EPB41L1: variants seen among roughly 807,000 people sequenced by gnomAD.
EPB41L1 encodes the protein erythrocyte membrane protein band 4.1 like 1.
In EPB41L1, 29 loss-of-function variants were observed where a neutral mutation model predicts 97.8. The observed-to-expected ratio is 0.30, with a 90% CI of 0.22 to 0.40. The LOEUF (loss-of-function observed/expected upper bound fraction) is 0.40, where lower values mean the gene tolerates loss of function less well. EPB41L1 is among the 10% of genes least tolerant of loss of function. EPB41L1 has a pLI of 1.00. For synonymous variants in EPB41L1, 383 were observed against 459.2 expected (o/e 0.83, Z 2.12); for missense variants, 812 against 1,162.3 (o/e 0.70, Z 4.38).
At chr20:36,155,027 G>A (rs995036333) in intron 1 of EPB41L1, 131 bp downstream of exon 1, 2 of 860,628 alleles carry the variant, frequency 2.3e-6, no homozygotes, top group Admixed American at 5.5e-5. Context: ...CCCCTGGCCA[G>A]TGTGGGGGAG....
rs575435573 is a variant in EPB41L1 at position 36,206,515 on chromosome 20, C to T, written c.1669-2973C>T. 13 of 1,289,810 alleles carry T rather than the reference C, an allele frequency of 1.0e-5. No homozygotes were observed. In the East Asian group the frequency reaches 2.2e-4, roughly 22 times the overall value. The allele number at this position is 1,289,810 out of a possible 1,614,324, so 79.9% of individuals were successfully genotyped here. A position where few individuals can be genotyped will look rare whatever the true frequency, so the allele number is the denominator to read the frequency against. On this transcript the variant is annotated intron_variant, in intron 14 of 21. Coordinates refer to ENST00000338074, the MANE Select transcript of EPB41L1 (RefSeq NM_012156.2). The surrounding 1 kb of genome is among the most constrained non-coding windows in gnomAD (Gnocchi z 5.5). ...AAAAGACTCAGAAGACCAAGTCCTC[C>T]CTCCACCCCTGGAGGAGAGAAAAGG...
chr20:36,104,573 C>CA (rs2058129822), intron 1 of EPB41L1, among the ~76,000 whole-genome samples: 1 of 152,018 alleles, frequency 6.6e-6, no homozygotes, highest in South Asian at 2.1e-4. Context: ...GGTGGGGGGA[C>CA]ATTGTCCCTC....
chr20:36,203,145 C>T (rs1283718086), intron 14 of EPB41L1, among the ~76,000 whole-genome samples: 1 of 152,246 alleles, frequency 6.6e-6, no homozygotes, highest in Non-Finnish European at 1.5e-5. Context: ...TTCACGCCAA[C>T]CCCTCGGGCC....
intron 1 of EPB41L1, among the ~76,000 whole-genome samples, chr20:36,111,293 A>G (rs1439497487): frequency 1.3e-5 from 2 of 152,204 alleles, no homozygotes; most frequent in Non-Finnish European, 2.9e-5. Flanking sequence ...CACATTTTAC[A>G]TGAAGTAGGA....
chr20:36,161,971 C>T (rs1282773387), intron 1 of EPB41L1, among the ~76,000 whole-genome samples: 3 of 152,180 alleles, frequency 2.0e-5, no homozygotes, highest in African/African-American at 7.2e-5. Context: ...GCTCTGTTGC[C>T]CAGACTGCTC....
intron 14 of EPB41L1, chr20:36,208,186 C>G (rs1035542475): frequency 3.2e-6 from 1 of 315,592 alleles, no homozygotes; most frequent in Non-Finnish European, 6.3e-6. Context: ...CTGGTTCTCC[C>G]GCCTTGGGAA....
rs1250037032 is a variant in EPB41L1 at position 36,207,865 on chromosome 20, G to C, written c.1669-1623G>C. ...CATGCTCTGTAGTTTTTAGAAGCATGTTTCAGTGGCCCCTCGTCATTTCTG... is the reference window on the plus strand; with the variant it reads ...CATGCTCTGTAGTTTTTAGAAGCATCTTTCAGTGGCCCCTCGTCATTTCTG... On this transcript the variant is annotated intron_variant, in intron 14 of 21. Transcript: ENST00000338074. The surrounding 1 kb of genome is among the most constrained non-coding windows in gnomAD (Gnocchi z 4.9). 1 of 1,192,660 alleles carries C rather than the reference G, an allele frequency of 8.4e-7. No homozygotes were observed. The highest frequency in any genetic ancestry group is 1.1e-6 in the Non-Finnish European group (1 of 936,126). 73.9% of individuals were successfully genotyped at this position (1,192,660 alleles called of 1,614,324 possible).
intron 13 of EPB41L1, chr20:36,197,579 C>T: frequency 1.0e-6 from 1 of 968,646 alleles, no homozygotes; most frequent in Non-Finnish European, 1.2e-6. Context: ...GTTGGCTGTT[C>T]AGAGGCTGTA....
Position 36,178,033 on chromosome 20 carries a change from T to C in EPB41L1, c.424T>C (p.Phe142Leu). ...LLEKDYFGLT[F>L]CDADSQKNWL... The stretch of plus-strand genomic sequence containing the variant: ...AGAGAAGGACTACTTCGGCCTGACC[T>C]TCTGTGATGCTGACAGCCAGAAGGT... The change falls in exon 4 of 22, where the codon TTC (phenylalanine) becomes CTC (leucine). Residue 142 changes from phenylalanine to leucine, a missense_variant. Transcript: ENST00000338074. The C allele has an allele frequency of 6.2e-7, 1 of 1,614,108 alleles. No individual in the cohort carries two copies.
chr20:36,126,363 ATTTTTTT>A (rs1208994726), intron 2 of EPB41L1, among the ~76,000 whole-genome samples: 4 of 135,258 alleles, frequency 3.0e-5, no homozygotes, highest in African/African-American at 1.1e-4. Context: ...AGTTAGTGGA[ATTTTTTT>A]TTTTTTTTTT....
At chr20:36,106,237 G>A (rs888185651) in intron 1 of EPB41L1, among the ~76,000 whole-genome samples, 13 of 152,366 alleles carry the variant, frequency 8.5e-5, no homozygotes, top group South Asian at 2.1e-4. Flanking sequence ...ATGCCATGCC[G>A]TTCCGCTCTC....
In EPB41L1 at chr20:36,175,863, C is replaced by T. The variant is rs1048544314; in HGVS notation, c.342+148C>T. 3.7e-6 allele frequency: 3 copies of T among 818,650 alleles called. No individual in the cohort carries two copies. In the African/African-American group the frequency reaches 5.1e-5, roughly 14 times the overall value. 50.7% of individuals were successfully genotyped at this position (818,650 alleles called of 1,614,324 possible). A position where few individuals can be genotyped will look rare whatever the true frequency, so the allele number is the denominator to read the frequency against. Reference sequence around the variant, plus strand: ...AGAGAGATGACCTGGCTCGGAGCTCCTTTGTACAGATGGTGGCACCAAAGC... The same window carrying T: ...AGAGAGATGACCTGGCTCGGAGCTCTTTTGTACAGATGGTGGCACCAAAGC... On this transcript the variant is annotated intron_variant, in intron 3 of 21. Transcript: ENST00000338074.
intron 2 of EPB41L1, among the ~76,000 whole-genome samples, chr20:36,145,207 A>G (rs6121162): frequency 0.12 from 17,867 of 151,788 alleles, 1,855 homozygotes; most frequent in African/African-American, 0.28. Flanking sequence ...GGACAAGATG[A>G]TGAAACCCCC....
At chr20:36,091,878 T>C (rs1025035491) in intron 1 of EPB41L1, 2 of 152,270 alleles carry the variant, frequency 1.3e-5, no homozygotes, top group African/African-American at 4.8e-5. Flanking sequence ...GAACACGGGT[T>C]AGTTCCTCCT....
Position 36,207,917 on chromosome 20 carries a change from G to T in EPB41L1, c.1669-1571G>T. On this transcript the variant is annotated intron_variant, in intron 14 of 21. Coordinates refer to ENST00000338074, the MANE Select transcript of EPB41L1 (RefSeq NM_012156.2). This position sits in a 1 kb window ranked among gnomAD's most constrained non-coding sequence, Gnocchi z 4.9. ...AATCAGAGGCTGCTTATCCATCCCT[G>T]TGAGTTTTTTCCCTAAACGGGCCTG... 1 of 1,029,006 alleles carries T rather than the reference G, an allele frequency of 9.7e-7. No homozygotes were observed. The highest frequency in any genetic ancestry group is 1.3e-6 in the Non-Finnish European group (1 of 793,188). 63.7% of individuals were successfully genotyped at this position (1,029,006 alleles called of 1,614,324 possible).
rs1194535780 is a variant in EPB41L1 at position 36,226,859 on chromosome 20, T to TGACTTATAG, written c.2638-2469_2638-2461dup. The stretch of plus-strand genomic sequence containing the variant: ...CACATACCCAGAATAATGATTACAC[T>TGACTTATAG]GACTTATAGGACAGCCACTTCATTA... On this transcript the variant is annotated intron_variant, in intron 21 of 21. Coordinates refer to ENST00000338074, the MANE Select transcript of EPB41L1 (RefSeq NM_012156.2). Among the ~76,000 whole-genome samples, 221 of 152,356 alleles carry TGACTTATAG rather than the reference T, an allele frequency of 1.5e-3. 2 individuals are homozygous for TGACTTATAG. The highest frequency in any genetic ancestry group is 3.7e-3 in the Admixed American group (57 of 15,294).
intron 14 of EPB41L1, among the ~76,000 whole-genome samples, chr20:36,200,082 A>G (rs551302290): frequency 1.3e-5 from 2 of 152,282 alleles, no homozygotes; most frequent in African/African-American, 4.8e-5. Context: ...ACTGGCTTAC[A>G]GGCCCCCTTG....
chr20:36,156,655 T>C (rs2037801468), intron 1 of EPB41L1, among the ~76,000 whole-genome samples: 1 of 152,176 alleles, frequency 6.6e-6, no homozygotes, highest in Non-Finnish European at 1.5e-5. Flanking sequence ...TGAGGCTACC[T>C]GATCCCTTAG....
intron 1 of EPB41L1, among the ~76,000 whole-genome samples, chr20:36,106,056 C>G (rs1401751341): frequency 1.3e-5 from 2 of 151,684 alleles, no homozygotes; most frequent in African/African-American, 2.4e-5. Context: ...GGTGAGTGCT[C>G]TTAGGGGAGG....
Sources: gnomAD v4.1 joint callset for allele counts (sites outside exome capture counted in the v4.1 genomes callset) on GRCh38, gnomAD v4.1.1 for gene constraint, Gnocchi (gnomAD v3.1) non-coding constraint, MANE v1.5 for transcripts, NCBI Gene and HGNC (gene_info 2026-07-23, HGNC 2026-07-21) for gene names.